DNAH11: variants seen among roughly 807,000 people sequenced by gnomAD.
The protein encoded by DNAH11 is dynein axonemal heavy chain 11, also known as axonemal beta dynein heavy chain 11.
In DNAH11, 442 loss-of-function variants were observed where a neutral mutation model predicts 526.0. The ratio of observed to expected loss-of-function variants is 0.84; its 90% CI spans 0.78 to 0.91. The LOEUF is 0.91. Ranked by LOEUF, DNAH11 falls within the 40% of genes least tolerant of loss-of-function variation. DNAH11 has a pLI of 0.00. For missense variants in DNAH11, 6,989 were observed against 5,448.7 expected, an observed-to-expected ratio of 1.28 and a Z score of -8.90; for synonymous variants, 2,461 against 1,935.9, an observed-to-expected ratio of 1.27 and a Z score of -7.12.
chr7:21,869,735 C>A (rs1783425909), intron 73 of DNAH11, among the ~76,000 whole-genome samples: 1 of 152,260 alleles, frequency 6.6e-6, no homozygotes, highest in South Asian at 2.1e-4. Flanking sequence ...AAGTCCAACT[C>A]TGCCCCTACC....
intron 41 of DNAH11, among the ~76,000 whole-genome samples, chr7:21,711,389 T>G (rs1438737982): frequency 6.6e-6 from 1 of 152,206 alleles, no homozygotes; most frequent in Non-Finnish European, 1.5e-5. Flanking sequence ...AATTGTGGTA[T>G]TTCAGATTCT....
At chr7:21,624,951 G>T (rs982762236) in intron 25 of DNAH11, among the ~76,000 whole-genome samples, 1 of 151,770 alleles carries the variant, frequency 6.6e-6, no homozygotes, top group Non-Finnish European at 1.5e-5. Flanking sequence ...ACTTTGCTGA[G>T]GATTTTTTTA....
At chr7:21,637,411 G>A (rs951664143) in intron 26 of DNAH11, among the ~76,000 whole-genome samples, 200 bp from the exon 27 acceptor site, 32 of 152,102 alleles carry the variant, frequency 2.1e-4, no homozygotes, top group African/African-American at 7.2e-4. Flanking sequence ...TTATAAAAAC[G>A]GTGTGCTTCT....
At position 21,658,952 on chromosome 7, in the gene DNAH11, G is replaced by A. The variant is rs1405556703; in HGVS notation, c.5249G>A (p.Trp1750Ter). ...GCACTAACCAGCTCACAAATATGGT[G>A]GACCACAGATGTAGGAATAGCCTTC... ...QVALTSSQIW[W>*]TTDVGIAFSR... Residue 1750 changes from tryptophan to a stop codon, truncating the protein, a stop_gained, in exon 30 of 82, where the codon TGG (tryptophan) becomes TAG (stop). Transcript: ENST00000409508. LOFTEE classifies it high-confidence loss of function. 6.2e-7 allele frequency: 1 copy of A among 1,610,916 alleles called. No individual in the cohort carries two copies. The highest frequency in any genetic ancestry group is 8.5e-7 in the Non-Finnish European group (1 of 1,178,680).
At chr7:21,798,841 T>G (rs1365371883) in intron 61 of DNAH11, among the ~76,000 whole-genome samples, 2 of 152,122 alleles carry the variant, frequency 1.3e-5, no homozygotes, top group Non-Finnish European at 2.9e-5. Context: ...AAATGTCATT[T>G]TTAATTATTT....
intron 45 of DNAH11, among the ~76,000 whole-genome samples, chr7:21,727,107 G>A (rs557465749): frequency 6.6e-6 from 1 of 150,906 alleles, no homozygotes; most frequent in South Asian, 2.1e-4. Flanking sequence ...CTAATGTTTT[G>A]TATTTTTAGT....
At chr7:21,814,356 T>A (rs928416063) in intron 63 of DNAH11, among the ~76,000 whole-genome samples, 71 of 151,464 alleles carry the variant, frequency 4.7e-4, no homozygotes, top group African/African-American at 1.3e-3. Context: ...TTTATTTTTT[T>A]TTTATTTTTT....
intron 62 of DNAH11, among the ~76,000 whole-genome samples, chr7:21,805,310 C>A (rs1325840921): frequency 1.3e-5 from 2 of 152,062 alleles, no homozygotes; most frequent in South Asian, 2.1e-4. Context: ...TTTTCCCCAA[C>A]TGAAATATGA....
chr7:21,816,324 T>C (rs1485272073), intron 63 of DNAH11, 143 bp from the exon 64 acceptor site: 8 of 653,188 alleles, frequency 1.2e-5, no homozygotes, highest in Non-Finnish European at 2.1e-5. Flanking sequence ...AATGATGAGT[T>C]GTGTTTGGCT....
intron 57 of DNAH11, among the ~76,000 whole-genome samples, 171 bp from the exon 58 acceptor site, chr7:21,784,255 TG>T (rs1309311083): frequency 2.6e-5 from 4 of 152,370 alleles, no homozygotes; most frequent in Admixed American, 6.5e-5. Flanking sequence ...TACAAAACTT[TG>T]TATATATACT....
At chr7:21,720,533 G>A (rs1784835149) in intron 43 of DNAH11, among the ~76,000 whole-genome samples, 192 bp from the exon 44 acceptor site, 1 of 151,528 alleles carries the variant, frequency 6.6e-6, no homozygotes, top group Admixed American at 6.6e-5. Flanking sequence ...GATCATTTTG[G>A]TTGAAAGTGA....
At chr7:21,799,618 G>C (rs1272924863) in intron 61 of DNAH11, among the ~76,000 whole-genome samples, 7 of 152,194 alleles carry the variant, frequency 4.6e-5, no homozygotes, top group Admixed American at 4.6e-4. Context: ...TTACAGGCAT[G>C]ACCCACCGCA....
chr7:21,863,756 A>G (rs17145730), intron 69 of DNAH11, among the ~76,000 whole-genome samples: 1,859 of 152,366 alleles, frequency 0.012, 33 homozygotes, highest in African/African-American at 0.042. Context: ...TCAAAGTTTC[A>G]TAACTATATG....
Position 21,808,045 on chromosome 7 carries a change from A to C in DNAH11, c.10328A>C (p.Gln3443Pro). 6.5e-7 allele frequency: 1 copy of C among 1,532,036 alleles called. No homozygotes were observed. Among genetic ancestry groups the C allele is most frequent in the Non-Finnish European group, 8.9e-7 (1 of 1,126,656 alleles). The allele number at this position is 1,532,036 out of a possible 1,614,324, so 94.9% of individuals were successfully genotyped here. A position where few individuals can be genotyped will look rare whatever the true frequency, so the allele number is the denominator to read the frequency against. The stretch of plus-strand genomic sequence containing the variant: ...TGCAAGTGGGTTCCCTTTCTTCAAC[A>C]GAAGGTAAGTTCAGTTCCTTACCTT... ...VHCKWVPFLQ[Q>P]KVSIPLTEGL... Residue 3443 changes from glutamine to proline, a missense_variant, in exon 63 of 82, where the codon CAG becomes CCG. Coordinates refer to ENST00000409508, the MANE Select transcript of DNAH11 (RefSeq NM_001277115.2).
In DNAH11 at chr7:21,687,270, G is replaced by C. The variant is rs1783417230; in HGVS notation, c.5778+15G>C. On this transcript the variant is annotated intron_variant, in intron 33 of 81. Transcript: ENST00000409508. ...TGGACTACAAAGTAAGTTAGTAAGA[G>C]AATAATGTGTAAAACTTTATTCTCT... is the stretch of plus-strand genomic sequence containing the variant. 1 of 1,564,024 alleles carries C rather than the reference G, an allele frequency of 6.4e-7. No homozygotes were observed. The highest frequency in any genetic ancestry group is 1.9e-5 in the Admixed American group (1 of 51,988).
intron 23 of DNAH11, 114 bp downstream of exon 23, chr7:21,617,891 C>G: frequency 8.8e-7 from 1 of 1,142,496 alleles, no homozygotes. Flanking sequence ...TCAGCATAGC[C>G]TCTACTTGCT....
rs765738722 is a variant in DNAH11, at chr7:21,655,960, C to T, written c.5073C>T (p.Ala1691=). 24 of 1,604,758 alleles carry T rather than the reference C, an allele frequency of 1.5e-5. No homozygotes were observed. The highest frequency in any genetic ancestry group is 4.0e-5 in the African/African-American group (3 of 74,562). The change falls in exon 29 of 82, where the codon GCC becomes GCT. Residue 1691 remains alanine (A), a synonymous_variant. Transcript: ENST00000409508. ...AAAAGGAGTATGTCCCATTCCAAGC[C>T]GAGTGTGAATGTGTGGGCCATGTAA... ...SKEKEYVPFQ[A]ECECVGHVET...
At chr7:21,763,903 G>A (rs1222334229) in intron 54 of DNAH11, among the ~76,000 whole-genome samples, 1 of 151,232 alleles carries the variant, frequency 6.6e-6, no homozygotes, top group Non-Finnish European at 1.5e-5. Context: ...GATGAACCTC[G>A]AGGACATCAT....
Position 21,624,698 on chromosome 7 carries a change from C to T in DNAH11, c.4500+4620C>T, listed in dbSNP as rs990953570. On this transcript the variant is annotated intron_variant, in intron 25 of 81. Transcript: ENST00000409508. ...TAGCTGTGTGCTTTTCATGTTCAGC[C>T]TTTATTGTGCTGAAGTACATTCTTT... is the stretch of plus-strand genomic sequence containing the variant. Among the ~76,000 whole-genome samples the T allele has an allele frequency of 1.4e-4, 22 of 152,044 alleles. 1 individual carries two copies. Among genetic ancestry groups the T allele is most frequent in the Non-Finnish European group, 4.4e-5 (3 of 67,988 alleles).
Sources: allele counts gnomAD v4.1 joint callset (sites outside exome capture counted in the v4.1 genomes callset), GRCh38; gene constraint gnomAD v4.1.1; transcripts MANE v1.5; gene names NCBI Gene and HGNC (gene_info 2026-07-23, HGNC 2026-07-21).